Variants in GPC6 observed in about 807,000 individuals in gnomAD.
GPC6 encodes the protein glypican-6.
Under a neutral mutation model 55.2 loss-of-function variants are expected in GPC6, and 14 were observed. The ratio of observed to expected loss-of-function variants is 0.25; its 90% confidence interval spans 0.17 to 0.40. The LOEUF is 0.40. Among genes scored for constraint, GPC6 ranks in the 10% least tolerant of loss-of-function variants. The pLI is 1.00. For synonymous variants in GPC6, 278 were observed against 259.6 expected (o/e 1.07, Z -0.68); for missense variants, 641 against 708.5 (o/e 0.90, Z 1.08).
intron 2 of GPC6, among the ~76,000 whole-genome samples, chr13:93,594,549 G>A (rs966340832): frequency 2.6e-5 from 4 of 151,970 alleles, no homozygotes; most frequent in Admixed American, 6.6e-5. Context: ...CCTACACTGT[G>A]TCTCTACGCT....
At chr13:93,613,965 A>G (rs753508266) in intron 2 of GPC6, among the ~76,000 whole-genome samples, 1 of 152,164 alleles carries the variant, frequency 6.6e-6, no homozygotes, top group Non-Finnish European at 1.5e-5. Context: ...ATTTAGAACA[A>G]TTGGTGGGCA....
intron 1 of GPC6, among the ~76,000 whole-genome samples, chr13:93,542,516 T>A (rs1337834978): frequency 6.6e-6 from 1 of 152,220 alleles, no homozygotes; most frequent in Non-Finnish European, 1.5e-5. Flanking sequence ...GGCTCCTTTT[T>A]GGTTCCATAT....
At chr13:94,101,845 A>G (rs1885874268) in intron 4 of GPC6, among the ~76,000 whole-genome samples, 1 of 151,606 alleles carries the variant, frequency 6.6e-6, no homozygotes, top group Non-Finnish European at 1.5e-5. Context: ...TTCCAAATGC[A>G]GAATAGAAAG....
intron 3 of GPC6, among the ~76,000 whole-genome samples, chr13:94,017,833 A>G (rs1299160592): frequency 6.6e-6 from 1 of 151,878 alleles, no homozygotes; most frequent in Non-Finnish European, 1.5e-5. Flanking sequence ...ACCCACCACG[A>G]CACCCAGCAA....
intron 3 of GPC6, among the ~76,000 whole-genome samples, chr13:93,912,962 T>A (rs556483496): frequency 3.3e-5 from 5 of 152,134 alleles, no homozygotes; most frequent in Non-Finnish European, 7.4e-5. Context: ...CCCATGTGTC[T>A]CTGTGTCGAT....
chr13:93,697,196 C>A (rs8001159), intron 2 of GPC6, among the ~76,000 whole-genome samples: 1 of 151,866 alleles, frequency 6.6e-6, no homozygotes, highest in Non-Finnish European at 1.5e-5. Flanking sequence ...CTTCCCTTCA[C>A]CCATTGCCTT....
intron 3 of GPC6, among the ~76,000 whole-genome samples, chr13:93,893,888 C>CA (rs1268817498): frequency 6.6e-6 from 1 of 152,104 alleles, no homozygotes; most frequent in Non-Finnish European, 1.5e-5. Flanking sequence ...CACTCTTCCA[C>CA]AAAAAACAGT....
chr13:93,338,310 C>G (rs1880115029), intron 1 of GPC6, among the ~76,000 whole-genome samples: 2 of 152,038 alleles, frequency 1.3e-5, no homozygotes, highest in Non-Finnish European at 2.9e-5. Flanking sequence ...TAATTTATTC[C>G]ACAAGATTCA....
At chr13:93,886,665 G>A (rs1212081221) in intron 3 of GPC6, among the ~76,000 whole-genome samples, 1 of 151,516 alleles carries the variant, frequency 6.6e-6, no homozygotes, top group Non-Finnish European at 1.5e-5. Flanking sequence ...GTGACTTTCG[G>A]CCTCTTTTAA....
chr13:93,764,318 T>G (rs74364089), intron 2 of GPC6, among the ~76,000 whole-genome samples: 4,803 of 152,228 alleles, frequency 0.032, 322 homozygotes, highest in East Asian at 0.19. Flanking sequence ...GTGATGTGTT[T>G]GTAATATTTT....
chr13:93,820,602 G>A (rs750941219), intron 2 of GPC6, among the ~76,000 whole-genome samples: 20 of 150,336 alleles, frequency 1.3e-4, no homozygotes, highest in Non-Finnish European at 1.6e-4. Flanking sequence ...TAATTGTCAT[G>A]AATGGAAAGT....
chr13:93,622,180 C>T (rs940679233), intron 2 of GPC6, among the ~76,000 whole-genome samples: 3 of 152,154 alleles, frequency 2.0e-5, no homozygotes, highest in African/African-American at 7.2e-5. Flanking sequence ...CATATTGCAT[C>T]ATAATACCAT....
At chr13:94,277,865 GATGCCTCCAGCTTTGTT>G (rs1310855196) in intron 4 of GPC6, among the ~76,000 whole-genome samples, 2 of 152,130 alleles carry the variant, frequency 1.3e-5, no homozygotes, top group Admixed American at 1.3e-4. Context: ...CAGGTAGCAT[GATGCCTCCAGCTTTGTT>G]CTTTGTCTTG....
chr13:93,960,232 G>C (rs1359029278), intron 3 of GPC6, among the ~76,000 whole-genome samples: 1 of 152,156 alleles, frequency 6.6e-6, no homozygotes, highest in Non-Finnish European at 1.5e-5. Flanking sequence ...GATGGTCATG[G>C]ATGAAATACA....
chr13:93,395,371 C>A, intron 1 of GPC6: 2 of 381,010 alleles, frequency 5.2e-6, no homozygotes, highest in South Asian at 3.1e-5. Context: ...GATGGTATTT[C>A]GGAATGACAA....
At chr13:93,819,999 T>A (rs72643197) in intron 2 of GPC6, among the ~76,000 whole-genome samples, 1 of 152,212 alleles carries the variant, frequency 6.6e-6, no homozygotes, top group Non-Finnish European at 1.5e-5. Flanking sequence ...AATTACATAG[T>A]GCTGCTTTTC....
At chr13:94,352,610 C>A (rs1467059340) in intron 6 of GPC6, among the ~76,000 whole-genome samples, 2 of 152,218 alleles carry the variant, frequency 1.3e-5, no homozygotes, top group African/African-American at 4.8e-5. Flanking sequence ...CTCCCCCATA[C>A]TTCAGTCCTT....
intron 4 of GPC6, among the ~76,000 whole-genome samples, chr13:94,222,773 C>G (rs1201825314): frequency 2.0e-5 from 3 of 152,124 alleles, no homozygotes; most frequent in Non-Finnish European, 4.4e-5. Context: ...TCATCTGCTT[C>G]TTAATTCTCT....
intron 1 of GPC6, among the ~76,000 whole-genome samples, chr13:93,299,210 G>A (rs1878595019): frequency 6.6e-6 from 1 of 151,960 alleles, no homozygotes; most frequent in South Asian, 2.1e-4. Flanking sequence ...TCTAAGGAGG[G>A]GAATTAAGTG....
Sources: gnomAD v4.1 joint callset for allele counts (sites outside exome capture counted in the v4.1 genomes callset) on GRCh38, gnomAD v4.1.1 for gene constraint, MANE v1.5 for transcripts, NCBI Gene and HGNC (gene_info 2026-07-23, HGNC 2026-07-21) for gene names.